The following GPC6 variants were observed in gnomAD, a reference collection of about 807,000 sequenced individuals.
GPC6 encodes the protein glypican 6.
Under a neutral mutation model 55.2 loss-of-function variants are expected in GPC6, and 14 were observed. The observed-to-expected ratio is 0.25, with a 90% CI of 0.17 to 0.40. The LOEUF is 0.40. GPC6 is among the 10% of genes least tolerant of loss of function. The probability of loss-of-function intolerance (pLI) is 1.00; values close to 1 mark genes in which losing one functional copy is unlikely to be tolerated. For synonymous variants in GPC6, 278 were observed against 259.6 expected (o/e 1.07, Z -0.68); for missense variants, 641 against 708.5 (o/e 0.90, Z 1.08).
At chr13:93,933,095 CTTGCT>C (rs1878266669) in intron 3 of GPC6, among the ~76,000 whole-genome samples, 1 of 148,730 alleles carries the variant, frequency 6.7e-6, no homozygotes, top group African/African-American at 2.5e-5. Flanking sequence ...AATCTTTCCT[CTTGCT>C]TCTGTTGTCG....
intron 1 of GPC6, among the ~76,000 whole-genome samples, chr13:93,328,033 A>T (rs1031865409): frequency 6.6e-6 from 1 of 151,890 alleles, no homozygotes; most frequent in African/African-American, 2.4e-5. Context: ...TATATTTTTT[A>T]TTTTTTTCCT....
intron 1 of GPC6, among the ~76,000 whole-genome samples, chr13:93,341,117 G>C (rs1880241277): frequency 6.6e-6 from 1 of 152,096 alleles, no homozygotes; most frequent in Admixed American, 6.5e-5. Context: ...AGTATTCCAT[G>C]GTGTATATAT....
chr13:93,872,638 A>G (rs562105089), intron 3 of GPC6, among the ~76,000 whole-genome samples: 6 of 151,986 alleles, frequency 3.9e-5, no homozygotes, highest in Admixed American at 3.3e-4. Flanking sequence ...TCCAGCTTCC[A>G]TCATTTAAGC....
chr13:94,275,650 ATAAC>A (rs1436931873), intron 4 of GPC6, among the ~76,000 whole-genome samples: 5 of 152,158 alleles, frequency 3.3e-5, no homozygotes, highest in African/African-American at 1.2e-4. Flanking sequence ...AAGATAAACA[ATAAC>A]TAAGGGAAAA....
chr13:93,751,725 C>T (rs1884600182), intron 2 of GPC6, among the ~76,000 whole-genome samples: 1 of 151,816 alleles, frequency 6.6e-6, no homozygotes, highest in Non-Finnish European at 1.5e-5. Context: ...GCGGTCTCAC[C>T]ATCTTGCCCA....
chr13:93,674,974 A>G (rs746305817), intron 2 of GPC6, among the ~76,000 whole-genome samples: 80 of 152,324 alleles, frequency 5.3e-4, no homozygotes, highest in Non-Finnish European at 9.7e-4. Context: ...CCACCTAATC[A>G]AAACTCAAAT....
intron 4 of GPC6, among the ~76,000 whole-genome samples, chr13:94,195,254 A>G (rs1466050237): frequency 1.3e-5 from 2 of 152,114 alleles, no homozygotes; most frequent in Non-Finnish European, 2.9e-5. Context: ...CTTCCTAGTT[A>G]GGGCTTGTAT....
intron 4 of GPC6, among the ~76,000 whole-genome samples, chr13:94,210,316 C>T (rs1488672628): frequency 6.6e-6 from 1 of 151,888 alleles, no homozygotes; most frequent in Non-Finnish European, 1.5e-5. Flanking sequence ...GCCACCACGC[C>T]CAGCTAATTT....
intron 1 of GPC6, among the ~76,000 whole-genome samples, chr13:93,428,017 G>A (rs61964173): frequency 0.24 from 36,702 of 151,968 alleles, 4,399 homozygotes; most frequent in Middle Eastern, 0.29. Flanking sequence ...CTAGTATTCT[G>A]CTGAAATTTG....
At chr13:93,827,345 CA>C (rs1887302791) in intron 2 of GPC6, among the ~76,000 whole-genome samples, 1 of 152,094 alleles carries the variant, frequency 6.6e-6, no homozygotes, top group Non-Finnish European at 1.5e-5. Context: ...AATTTTCATC[CA>C]AGCATAAAGT....
intron 3 of GPC6, among the ~76,000 whole-genome samples, chr13:94,004,994 A>G (rs1342125688): frequency 3.9e-5 from 6 of 152,022 alleles, no homozygotes; most frequent in Non-Finnish European, 7.4e-5. Flanking sequence ...CCCCAGGGGG[A>G]GGCGGAGGTT....
intron 4 of GPC6, among the ~76,000 whole-genome samples, chr13:94,159,254 G>C (rs1371360808): frequency 6.6e-6 from 1 of 152,128 alleles, no homozygotes; most frequent in African/African-American, 2.4e-5. Context: ...GGGCAGTAAA[G>C]ATTAGTGGGA....
intron 2 of GPC6, among the ~76,000 whole-genome samples, chr13:93,559,963 C>T (rs891105935): frequency 6.6e-6 from 1 of 152,270 alleles, no homozygotes; most frequent in South Asian, 2.1e-4. Context: ...TTAGAATAAA[C>T]ATCATCTGGG....
intron 4 of GPC6, among the ~76,000 whole-genome samples, chr13:94,055,680 A>C (rs1295785442): frequency 1.3e-5 from 2 of 152,164 alleles, no homozygotes; most frequent in African/African-American, 4.8e-5. Context: ...TAGTCAAATA[A>C]AGTTTTTGCA....
chr13:94,177,521 C>G (rs1044317703), intron 4 of GPC6, among the ~76,000 whole-genome samples: 2 of 151,756 alleles, frequency 1.3e-5, no homozygotes, highest in Non-Finnish European at 2.9e-5. Flanking sequence ...TAGCAAACAT[C>G]AAAGTAATGT....
intron 3 of GPC6, among the ~76,000 whole-genome samples, chr13:93,970,149 A>G (rs1409964811): frequency 1.3e-5 from 2 of 152,186 alleles, no homozygotes; most frequent in Non-Finnish European, 1.5e-5. Flanking sequence ...CGATTTTTCC[A>G]TAGAGTGTGT....
intron 2 of GPC6, among the ~76,000 whole-genome samples, chr13:93,788,516 T>C (rs1309953351): frequency 1.3e-5 from 1 of 75,698 alleles, no homozygotes; most frequent in African/African-American, 4.9e-5. Context: ...TTGTTCACTC[T>C]TTACACACAC....
chr13:93,789,313 G>T (rs972625352), intron 2 of GPC6, among the ~76,000 whole-genome samples: 1 of 151,500 alleles, frequency 6.6e-6, no homozygotes, highest in East Asian at 2.0e-4. Flanking sequence ...AATCCGTGAG[G>T]ATTTCCTATG....
Position 93,979,315 on chromosome 13 carries a change from GTGTTTGTGTGTGTT to G in GPC6, c.712-48412_712-48399del, listed in dbSNP as rs1338706207. On this transcript the variant is annotated intron_variant, in intron 3 of 8. Coordinates refer to ENST00000377047, the MANE Select transcript of GPC6 (RefSeq NM_005708.5). ...TGTGTGTGTGTGTGTGTGTGTGTGTGTGTTTGTGTGTGTTTTTTTGTGTGTGTGTGTTTTTTTTA... is the reference window on the plus strand; with the variant it reads ...TGTGTGTGTGTGTGTGTGTGTGTGTGTTTTTGTGTGTGTGTGTTTTTTTTA... Among the ~76,000 whole-genome samples, 613 of 141,138 alleles carry G rather than the reference GTGTTTGTGTGTGTT, an allele frequency of 4.3e-3. 9 individuals are homozygous for G. The highest frequency in any genetic ancestry group is 0.017 in the African/African-American group (585 of 34,560). The allele number at this position is 141,138 out of a possible 152,430, so 92.6% of individuals were successfully genotyped here.
Sources: gnomAD v4.1 joint callset for allele counts (sites outside exome capture counted in the v4.1 genomes callset) on GRCh38, gnomAD v4.1.1 for gene constraint, MANE v1.5 for transcripts, NCBI Gene and HGNC (gene_info 2026-07-23, HGNC 2026-07-21) for gene names.